Variants in SLC4A11 observed in about 807,000 individuals in gnomAD.
The protein encoded by SLC4A11 is bicarbonate transporter related protein 1.
SLC4A11 carries 74 observed loss-of-function variants against 95.0 expected under a neutral mutation model. The observed-to-expected ratio is 0.78, with a 90% CI of 0.65 to 0.95. The LOEUF (loss-of-function observed/expected upper bound fraction) is 0.95, where lower values mean the gene tolerates loss of function less well. SLC4A11 is among the 40% of genes least tolerant of loss of function. The pLI is 0.00. For missense variants in SLC4A11, 1,081 were observed against 1,192.4 expected, an observed-to-expected ratio of 0.91 and a Z score of 1.38; for synonymous variants, 548 against 519.0, an observed-to-expected ratio of 1.06 and a Z score of -0.76.
Position 3,229,792 on chromosome 20 carries a change from C to T in SLC4A11, c.1490-16G>A, listed in dbSNP as rs2067691198. 6.2e-7 allele frequency: 1 copy of T among 1,613,700 alleles called. No individual in the cohort carries two copies. The highest frequency in any genetic ancestry group is 1.3e-5 in the African/African-American group (1 of 75,052). ...TTCCAGAAGACTGTGGACACACACC[C>T]ACAGGCCTCAGCCCTCTCCAGCGTG... On this transcript the variant is annotated splice_polypyrimidine_tract_variant and intron_variant, in intron 13 of 19. Transcript: ENST00000642402.
chr20:3,229,032 T>C lies in SLC4A11; in HGVS notation c.2019-21A>G, dbSNP rs778930637. 6 of 1,609,372 alleles carry C rather than the reference T, an allele frequency of 3.7e-6. No individual in the cohort carries two copies. In the East Asian group the frequency reaches 1.3e-4, roughly 36 times the overall value. ...CCAGCCTGCAGCAGACGGGCACTCGTGGACAGAGCCCCACAGCAGAGGCCC... is the reference window on the plus strand; with the variant it reads ...CCAGCCTGCAGCAGACGGGCACTCGCGGACAGAGCCCCACAGCAGAGGCCC... On this transcript the variant is annotated intron_variant, in intron 16 of 19. Transcript: ENST00000642402.
chr20:3,228,220 A>G (rs777846471), intron 19 of SLC4A11, 39 bp downstream of exon 19: 4 of 1,576,162 alleles, frequency 2.5e-6, no homozygotes, highest in Non-Finnish European at 2.6e-6. Flanking sequence ...CTCCACACCT[A>G]GACTGGGCCC....
Position 3,231,334 on chromosome 20 carries a change from G to T in SLC4A11, c.944C>A (p.Pro315Gln). 1 of 1,613,834 alleles carries T rather than the reference G, an allele frequency of 6.2e-7. No individual in the cohort carries two copies. The highest frequency in any genetic ancestry group is 1.1e-5 in the South Asian group (1 of 91,072). Residue 315 changes from proline to glutamine, a missense_variant, in exon 8 of 20, where the codon CCA becomes CAA. Around this residue, in one of 3 missense-constraint regions of SLC4A11, gnomAD observed 767 missense variants for 858.0 expected, o/e 0.89. Coordinates refer to ENST00000642402, the MANE Select transcript of SLC4A11 (RefSeq NM_001174089.2). This position sits in a 1 kb window ranked among gnomAD's most constrained non-coding sequence, Gnocchi z 5.2. ...STVSLPAHRH[P>Q]EPPKCKDFVP... ...CCGCCGGCCTCTACCCTGTACCTCT[G>T]GGTGTCTGTGGGCAGGGAGGGAGAC... is the stretch of plus-strand genomic sequence containing the variant.
chr20:3,237,757 C>G lies in SLC4A11; in HGVS notation c.44-169G>C, dbSNP rs1600620275. On this transcript the variant is annotated intron_variant, in intron 1 of 19. Coordinates refer to ENST00000642402, the MANE Select transcript of SLC4A11 (RefSeq NM_001174089.2). ...GCAGGGGACAGTGCTCGGGAGGGGG[C>G]CCCATAGCAGGGGAAGCCAGCCTTA... is the stretch of plus-strand genomic sequence containing the variant. 8.1e-6 allele frequency: 13 copies of G among 1,612,942 alleles called. No individual in the cohort carries two copies. The East Asian group carries it at 2.7e-4, about 33-fold the overall frequency.
intron 12 of SLC4A11, 81 bp downstream of exon 12, chr20:3,230,434 C>A (rs953143708): frequency 2.0e-5 from 32 of 1,607,422 alleles, no homozygotes; most frequent in Non-Finnish European, 2.6e-5. Flanking sequence ...GTGGGGGCAC[C>A]CCCACCACCC....
chr20:3,236,706 G>C (rs1364364971), intron 2 of SLC4A11, among the ~76,000 whole-genome samples: 1 of 152,090 alleles, frequency 6.6e-6, no homozygotes, highest in Non-Finnish European at 1.5e-5. Context: ...TGGTTCCCCT[G>C]GCCCGAACTT....
chr20:3,235,307 TCTCACACACA>T (rs1320629262), intron 2 of SLC4A11, among the ~76,000 whole-genome samples: 15 of 110,978 alleles, frequency 1.4e-4, no homozygotes, highest in South Asian at 3.4e-4. Flanking sequence ...TCTCTCTCTC[TCTCACACACA>T]CACACACACA....
chr20:3,227,922 G>GGCCCCCCCCCCCCCCCC, intron 19 of SLC4A11, 66 bp from the exon 20 acceptor site: 1 of 1,322,352 alleles, frequency 7.6e-7, no homozygotes, highest in Non-Finnish European at 1.0e-6. Context: ...ACCCATCCCA[G>GGCCCCCCCCCCCCCCCC]CCCACCCCAG....
chr20:3,233,952 C>A lies in SLC4A11; in HGVS notation c.574G>T (p.Val192Leu), dbSNP rs781727797. The A allele has an allele frequency of 1.1e-5, 17 of 1,613,608 alleles. No homozygotes were observed. Among genetic ancestry groups the A allele is most frequent in the Non-Finnish European group, 1.4e-5 (16 of 1,180,040 alleles). ...IQGVTATVTGVRYQQSWLCII... is the reference protein window; with the variant it reads ...IQGVTATVTGLRYQQSWLCII... Reference sequence around the variant, plus strand: ...CAGAGCCACGACTGCTGGTACCGCACCCCTGTCACTGTGGCGGTGACCCCT... The same window carrying A: ...CAGAGCCACGACTGCTGGTACCGCAACCCTGTCACTGTGGCGGTGACCCCT... The change falls in exon 6 of 20, where the codon GTG becomes TTG. Residue 192 changes from valine (V) to leucine (L), a missense_variant. Coordinates refer to ENST00000642402, the MANE Select transcript of SLC4A11 (RefSeq NM_001174089.2).
In SLC4A11 at chr20:3,234,486, G is replaced by T; in HGVS notation, c.291+82C>A. 6.3e-7 allele frequency: 1 copy of T among 1,585,966 alleles called. No individual in the cohort carries two copies. Among genetic ancestry groups the T allele is most frequent in the Non-Finnish European group, 8.6e-7 (1 of 1,156,604 alleles). ...CTCCTGGAGGCATGGGAAGAGGGGA[G>T]CAGCGGGAGGATTCTCAGGGAAGCC... is the stretch of plus-strand genomic sequence containing the variant. On this transcript the variant is annotated intron_variant, in intron 4 of 19. Transcript: ENST00000642402. This position sits in a 1 kb window ranked among gnomAD's most constrained non-coding sequence, Gnocchi z 5.8.
At chr20:3,238,751 A>G (rs2068068273) in intron 1 of SLC4A11, 3 of 1,089,978 alleles carry the variant, frequency 2.8e-6, no homozygotes, top group African/African-American at 3.3e-5. Flanking sequence ...CAGGCTCCCA[A>G]AAGCTCGGCG....
Position 3,228,415 on chromosome 20 carries a change from G to A in SLC4A11, c.2402C>T (p.Pro801Leu), listed in dbSNP as rs1198138429. Reference protein sequence around the residue: ...LLLKEQTAYPPTHYIRRVPQR... With the variant: ...LLLKEQTAYPLTHYIRRVPQR... ...GGGCACCCTCCGGATGTAGTGTGTC[G>A]GGGGGTACGCAGTCTGTGGGCGGCA... is the stretch of plus-strand genomic sequence containing the variant. Residue 801 changes from proline to leucine, a missense_variant, in exon 19 of 20, where the codon CCG becomes CTG. Coordinates refer to ENST00000642402, the MANE Select transcript of SLC4A11 (RefSeq NM_001174089.2). 4 of 1,613,160 alleles carry A rather than the reference G, an allele frequency of 2.5e-6. No homozygotes were observed. The highest frequency in any genetic ancestry group is 3.4e-6 in the Non-Finnish European group (4 of 1,179,932).
rs376848818 is a variant in SLC4A11 at position 3,229,223 on chromosome 20, C to G, written c.1890G>C (p.Ala630=). 2 of 1,612,884 alleles carry G rather than the reference C, an allele frequency of 1.2e-6. No homozygotes were observed. Among genetic ancestry groups the G allele is most frequent in the Non-Finnish European group, 1.7e-6 (2 of 1,180,012 alleles). Residue 630 remains alanine (A), a synonymous_variant, in exon 16 of 20, where the codon GCG becomes GCC. Transcript: ENST00000642402. The part of the protein sequence containing the change: ...FRYNPSESPF[A]MAQIQSLSLR... ...GGGACAGCGACTGGATCTGCGCCATCGCAAAGGGGCTCTCGCTGGGGTTGT... is the reference window on the plus strand; with the variant it reads ...GGGACAGCGACTGGATCTGCGCCATGGCAAAGGGGCTCTCGCTGGGGTTGT...
rs772409032 is a variant in SLC4A11, at chr20:3,228,890, G to A, written c.2140C>T (p.Arg714Ter). The A allele has an allele frequency of 6.2e-6, 10 of 1,613,938 alleles. No homozygotes were observed. Among genetic ancestry groups the A allele is most frequent in the Non-Finnish European group, 8.5e-6 (10 of 1,180,032 alleles). The change falls in exon 17 of 20, where the codon CGA (arginine) becomes TGA (stop). Residue 714 changes from arginine (R) to a stop codon, truncating the protein, a stop_gained. Transcript: ENST00000642402. LOFTEE classifies it high-confidence loss of function. ...CGCTCCTCCACTAAGGCCAGGGCTC[G>A]CACGTGCAGCGGGGAGTGGGGGTAG... The part of the protein sequence containing the change: ...AAYPHSPLHV[R>*]ALALVEERVE...
rs1445259508 is a variant in SLC4A11, at chr20:3,229,349, C to T, written c.1846G>A (p.Glu616Lys). 6.8e-6 allele frequency: 11 copies of T among 1,613,126 alleles called. No individual in the cohort carries two copies. In the Admixed American group the frequency reaches 8.3e-5, roughly 12 times the overall value. ...CCACCGCCCGGCCCCAACTCACTCT[C>T]GATTTCCCGGAAGCCATGGGAGCTG... ...LISSHGFREIEMSKFRYNPSE... is the reference protein window; with the variant it reads ...LISSHGFREIKMSKFRYNPSE... The change falls in exon 15 of 20, where the codon GAG (glutamate) becomes AAG (lysine). Residue 616 changes from glutamate (E) to lysine (K), a missense_variant. Glu to Lys is a moderately conservative substitution (Grantham distance 56). This residue lies in a region of SLC4A11 where 767 missense variants were observed against 858.0 expected (regional missense o/e 0.89). Transcript: ENST00000642402.
chr20:3,228,465 G>C, intron 18 of SLC4A11, 37 bp from the exon 19 acceptor site: 1 of 1,612,976 alleles, frequency 6.2e-7, no homozygotes, highest in Non-Finnish European at 8.5e-7. Context: ...GCAGGCATGG[G>C]GCTGTGTCCC....
rs774578059 is a variant in SLC4A11, at chr20:3,228,829, C to G, written c.2192+9G>C. The G allele has an allele frequency of 4.3e-6, 7 of 1,613,742 alleles. No individual in the cohort carries two copies. Among genetic ancestry groups the G allele is most frequent in the Non-Finnish European group, 5.1e-6 (6 of 1,180,026 alleles). On this transcript the variant is annotated intron_variant, in intron 17 of 19. Coordinates refer to ENST00000642402, the MANE Select transcript of SLC4A11 (RefSeq NM_001174089.2). ...CAGGGTCCACGGCTCTTGCCAGCCT[C>G]ACACTCACGTGTCATAGATGTGTCC...
rs780336932 is a variant in SLC4A11, at chr20:3,229,539, T to TA, written c.1726dup (p.Tyr576LeufsTer155). On this transcript the variant is annotated frameshift_variant, in exon 14 of 20. Coordinates refer to ENST00000642402, the MANE Select transcript of SLC4A11 (RefSeq NM_001174089.2). LOFTEE classifies it high-confidence loss of function. ...AGCCCCTCACCTCTTCTTGAATTGG[T>TA]AGAGGGTGTAGCCCAGCCAGAGCGT... 1 of 1,612,386 alleles carries TA rather than the reference T, an allele frequency of 6.2e-7. No homozygotes were observed. The highest frequency in any genetic ancestry group is 8.5e-7 in the Non-Finnish European group (1 of 1,179,828).
Position 3,234,950 on chromosome 20 carries a change from G to A in SLC4A11, c.89-56C>T, listed in dbSNP as rs2067921981. ...CTGTTAAAGTGCCACACACAGGAAG[G>A]AGGGGCTCCAAGCCCAGGGAGCAGG... is the stretch of plus-strand genomic sequence containing the variant. On this transcript the variant is annotated intron_variant, in intron 2 of 19. Transcript: ENST00000642402. The surrounding 1 kb of genome is among the most constrained non-coding windows in gnomAD (Gnocchi z 5.8). 2 of 1,610,114 alleles carry A rather than the reference G, an allele frequency of 1.2e-6. No individual in the cohort carries two copies. Among genetic ancestry groups the A allele is most frequent in the Non-Finnish European group, 1.7e-6 (2 of 1,177,350 alleles).
Sources: gnomAD v4.1 joint callset for allele counts (sites outside exome capture counted in the v4.1 genomes callset) on GRCh38, gnomAD v4.1.1 for gene constraint, gnomAD v4.1.1 regional missense constraint, Gnocchi (gnomAD v3.1) non-coding constraint, MANE v1.5 for transcripts, NCBI Gene and HGNC (gene_info 2026-07-23, HGNC 2026-07-21) for gene names.